Variants in DLGAP1 observed in about 807,000 individuals in gnomAD.
DLGAP1 encodes the protein disks large-associated protein 1.
Under a neutral mutation model 90.8 loss-of-function variants are expected in DLGAP1, and 11 were observed. That is an observed-to-expected ratio of 0.12 (90% CI 0.08 to 0.20). The LOEUF is 0.20. Among genes scored for constraint, DLGAP1 ranks in the 10% least tolerant of loss-of-function variants. The pLI is 1.00. For synonymous variants in DLGAP1, 558 were observed against 540.7 expected, an observed-to-expected ratio of 1.03 and a Z score of -0.44; for missense variants, 1,050 against 1,333.8, an observed-to-expected ratio of 0.79 and a Z score of 3.31.
chr18:3,628,302 A>G (rs1191545507), intron 7 of DLGAP1, among the ~76,000 whole-genome samples: 5 of 143,990 alleles, frequency 3.5e-5, no homozygotes, highest in African/African-American at 7.8e-5. Flanking sequence ...CGATTCTCCT[A>G]TTTCAGCCTC....
chr18:3,990,628 T>TATAATAATA (rs77930009), intron 3 of DLGAP1, among the ~76,000 whole-genome samples: 8,614 of 143,176 alleles, frequency 0.06, 369 homozygotes, highest in African/African-American at 0.12. Flanking sequence ...AAACTTAAAA[T>TATAATAATA]ATAATAATAA....
chr18:4,234,674 C>T (rs1449015459), intron 1 of DLGAP1, among the ~76,000 whole-genome samples: 2 of 151,872 alleles, frequency 1.3e-5, no homozygotes, highest in African/African-American at 2.4e-5. Context: ...AAATATATAC[C>T]ACTAGAAGAA....
intron 2 of DLGAP1, among the ~76,000 whole-genome samples, chr18:4,097,422 C>T (rs1241731151): frequency 6.6e-6 from 1 of 152,200 alleles, no homozygotes; most frequent in Non-Finnish European, 1.5e-5. Flanking sequence ...TCTTTGCAAG[C>T]CCCACTGTAC....
rs1033702181 is a variant in DLGAP1, at chr18:4,342,514, C to T, written c.-267+112492G>A. ...AATGGCCTAATGTTACCTCATTGCCCACTTTGAAAGACCATATGGTGCATT... is the reference window on the plus strand; with the variant it reads ...AATGGCCTAATGTTACCTCATTGCCTACTTTGAAAGACCATATGGTGCATT... On this transcript the variant is annotated intron_variant, in intron 1 of 12. Transcript: ENST00000315677. The surrounding 1 kb of genome is among the most constrained non-coding windows in gnomAD (Gnocchi z 5.8). Among the ~76,000 whole-genome samples, 7 of 152,100 alleles carry T rather than the reference C, an allele frequency of 4.6e-5. No individual in the cohort carries two copies. Among genetic ancestry groups the T allele is most frequent in the African/African-American group, 1.4e-4 (6 of 41,410 alleles).
intron 2 of DLGAP1, among the ~76,000 whole-genome samples, chr18:4,138,532 G>C (rs963469408): frequency 1.3e-5 from 2 of 151,952 alleles, no homozygotes; most frequent in African/African-American, 4.8e-5. Flanking sequence ...TTTGAGTTTG[G>C]ATTGCTAGCA....
chr18:3,612,075 G>A (rs2057661761), intron 7 of DLGAP1, among the ~76,000 whole-genome samples: 1 of 152,248 alleles, frequency 6.6e-6, no homozygotes, highest in Admixed American at 6.5e-5. Context: ...ATTGTATGAT[G>A]TTTAAGAATA....
At chr18:3,576,865 C>CT (rs76912483) in intron 8 of DLGAP1, among the ~76,000 whole-genome samples, 4,963 of 130,938 alleles carry the variant, frequency 0.038, 295 homozygotes, top group African/African-American at 0.13. Context: ...TACGCCCGGC[C>CT]TTTTTTTTTT....
At chr18:3,759,377 A>G (rs201448392) in intron 5 of DLGAP1, among the ~76,000 whole-genome samples, 3 of 152,222 alleles carry the variant, frequency 2.0e-5, no homozygotes, top group East Asian at 3.8e-4. Flanking sequence ...AGAAGCTGGA[A>G]TAACCCATTT....
intron 4 of DLGAP1, among the ~76,000 whole-genome samples, chr18:3,833,130 ATTCCTTCC>A: frequency 9.3e-6 from 1 of 107,480 alleles, no homozygotes; most frequent in African/African-American, 3.6e-5. Context: ...GAATTATAAG[ATTCCTTCC>A]TTCCTTCCTT....
chr18:3,850,671 T>C (rs1421167999), intron 4 of DLGAP1, among the ~76,000 whole-genome samples: 4 of 152,138 alleles, frequency 2.6e-5, no homozygotes, highest in African/African-American at 9.7e-5. Flanking sequence ...ATATGTTCTG[T>C]ATATAGTAGC....
Position 3,879,952 on chromosome 18 carries a change from G to C in DLGAP1, c.117C>G (p.His39Gln). The change falls in exon 4 of 13, where the codon CAC becomes CAG. Residue 39 changes from histidine (H) to glutamine (Q), a missense_variant. By Grantham distance (24) the His-to-Gln change is conservative. Coordinates refer to ENST00000315677, the MANE Select transcript of DLGAP1 (RefSeq NM_004746.4). This position sits in a 1 kb window ranked among gnomAD's most constrained non-coding sequence, Gnocchi z 6.6. The part of the protein sequence containing the change: ...RKPYLLSPVE[H>Q]HPADHPYYTQ... ...TGTAGTATGGGTGGTCTGCGGGGTG[G>C]TGCTCCACTGGGCTCAGCAGGTAGG... 3.1e-6 allele frequency: 5 copies of C among 1,611,794 alleles called. No individual in the cohort carries two copies. Among genetic ancestry groups the C allele is most frequent in the Non-Finnish European group, 4.2e-6 (5 of 1,179,614 alleles).
chr18:4,144,842 C>A (rs1473728425), intron 2 of DLGAP1, among the ~76,000 whole-genome samples: 1 of 152,210 alleles, frequency 6.6e-6, no homozygotes, highest in East Asian at 1.9e-4. Flanking sequence ...TAAATCCAGT[C>A]AATGTGCCTT....
intron 3 of DLGAP1, among the ~76,000 whole-genome samples, chr18:3,925,186 C>G (rs924457996): frequency 6.6e-6 from 1 of 152,092 alleles, no homozygotes; most frequent in African/African-American, 2.4e-5. Context: ...CTCCTGACAT[C>G]AGGTGAGCCG....
At chr18:3,566,570 A>G (rs2054438584) in intron 9 of DLGAP1, among the ~76,000 whole-genome samples, 1 of 152,124 alleles carries the variant, frequency 6.6e-6, no homozygotes, top group South Asian at 2.1e-4. Flanking sequence ...TTTACGTTAC[A>G]TGTAGCCTTG....
At chr18:4,418,526 T>C (rs546485789) in intron 1 of DLGAP1, among the ~76,000 whole-genome samples, 2 of 152,206 alleles carry the variant, frequency 1.3e-5, no homozygotes, top group South Asian at 2.1e-4. Context: ...AAAAATCAAA[T>C]GAAAATGTTA....
chr18:4,312,734 T>C (rs965374525), intron 1 of DLGAP1, among the ~76,000 whole-genome samples: 3 of 152,236 alleles, frequency 2.0e-5, no homozygotes, highest in Admixed American at 6.5e-5. Flanking sequence ...TTATTTCTAA[T>C]ATTATATTTA....
At chr18:3,821,829 G>C in intron 4 of DLGAP1, 1 of 844,694 alleles carries the variant, frequency 1.2e-6, no homozygotes, top group Non-Finnish European at 1.4e-6. Context: ...ACTTTTTAGA[G>C]AAATGGCTGT....
At chr18:3,558,199 C>A (rs1004551502) in intron 9 of DLGAP1, among the ~76,000 whole-genome samples, 1 of 152,088 alleles carries the variant, frequency 6.6e-6, no homozygotes, top group Admixed American at 6.6e-5. Context: ...TTTCTCCTTG[C>A]AGTTCTATCA....
chr18:4,183,516 T>C (rs550018894), intron 1 of DLGAP1, among the ~76,000 whole-genome samples: 17 of 152,254 alleles, frequency 1.1e-4, no homozygotes, highest in African/African-American at 3.8e-4. Context: ...TTGACAAAAT[T>C]ACCTTTTGCA....
Sources: allele counts gnomAD v4.1 joint callset (sites outside exome capture counted in the v4.1 genomes callset), GRCh38; gene constraint gnomAD v4.1.1; non-coding constraint Gnocchi (gnomAD v3.1); transcripts MANE v1.5; gene names NCBI Gene and HGNC (gene_info 2026-07-23, HGNC 2026-07-21).